PTPN21: variants seen among roughly 807,000 people sequenced by gnomAD.
PTPN21 encodes the protein protein tyrosine phosphatase non-receptor type 21.
Under a neutral mutation model 131.8 loss-of-function variants are expected in PTPN21, and 77 were observed. That is an observed-to-expected ratio of 0.58 (90% CI 0.49 to 0.71). The LOEUF is 0.71. Among genes scored for constraint, PTPN21 ranks in the 30% least tolerant of loss-of-function variants. The probability of loss-of-function intolerance (pLI) is 0.00; values close to 1 mark genes in which losing one functional copy is unlikely to be tolerated. For synonymous variants in PTPN21, 715 were observed against 621.3 expected, an observed-to-expected ratio of 1.15 and a Z score of -2.24; for missense variants, 1,552 against 1,527.1, an observed-to-expected ratio of 1.02 and a Z score of -0.27.
Position 88,485,109 on chromosome 14 carries a change from C to CT in PTPN21, c.1044_1045insA (p.Gly349ArgfsTer13), listed in dbSNP as rs2077713459. ...GAAGCATATGGTTCTGTATAATGTC[C>CT]ATTATAGTGCAACTGCGGTGGGGGA... is the stretch of plus-strand genomic sequence containing the variant. On this transcript the variant is annotated frameshift_variant, in exon 12 of 19. Coordinates refer to ENST00000556564, the MANE Select transcript of PTPN21 (RefSeq NM_007039.4). LOFTEE classifies it high-confidence loss of function. The CT allele has an allele frequency of 6.2e-7, 1 of 1,608,446 alleles. No homozygotes were observed.
chr14:88,505,905 C>T, intron 4 of PTPN21, among the ~76,000 whole-genome samples: 1 of 152,194 alleles, frequency 6.6e-6, no homozygotes, highest in East Asian at 1.9e-4. Flanking sequence ...GAATGTGGCT[C>T]CATGTGCATC....
intron 2 of PTPN21, among the ~76,000 whole-genome samples, chr14:88,532,804 T>A (rs570685243): frequency 6.6e-6 from 1 of 152,168 alleles, no homozygotes; most frequent in Admixed American, 6.5e-5. Context: ...AAAAACCCCT[T>A]AAATAGAATT....
chr14:88,483,036 C>A (rs766049816), intron 12 of PTPN21, among the ~76,000 whole-genome samples: 5 of 151,754 alleles, frequency 3.3e-5, no homozygotes, highest in Non-Finnish European at 7.4e-5. Context: ...CACGGTGAAA[C>A]CCCGTCTCTA....
intron 10 of PTPN21, among the ~76,000 whole-genome samples, chr14:88,487,956 A>C: frequency 8.0e-6 from 1 of 125,518 alleles, no homozygotes; most frequent in Non-Finnish European, 1.6e-5. Context: ...ACAGAGTGAG[A>C]CTCCATCTCA....
At chr14:88,478,566 A>G (rs1033726554) in intron 13 of PTPN21, among the ~76,000 whole-genome samples, 2 of 152,210 alleles carry the variant, frequency 1.3e-5, no homozygotes, top group Admixed American at 6.5e-5. Flanking sequence ...AGTATTTTTA[A>G]TGGGTGGCTA....
chr14:88,479,941 C>A lies in PTPN21; in HGVS notation c.1490G>T (p.Arg497Leu), dbSNP rs1270814821. ...TGGCGAGGGGAGCTGTGCGTGCTCGCGGATCTCGGGCTGGCTGTAGACCAG... is the reference window on the plus strand; with the variant it reads ...TGGCGAGGGGAGCTGTGCGTGCTCGAGGATCTCGGGCTGGCTGTAGACCAG... ...AALVYSQPEIREHAQLPSPAA... is the reference protein window; with the variant it reads ...AALVYSQPEILEHAQLPSPAA... Residue 497 changes from arginine to leucine, a missense_variant, in exon 13 of 19, where the codon CGC becomes CTC. Arg to Leu is a moderately radical substitution (Grantham distance 102). Around this residue, in one of 4 missense-constraint regions of PTPN21, gnomAD observed 1,016 missense variants for 883.5 expected, o/e 1.15. Transcript: ENST00000556564. The A allele has an allele frequency of 2.5e-6, 4 of 1,606,524 alleles. No homozygotes were observed. The highest frequency in any genetic ancestry group is 3.4e-6 in the Non-Finnish European group (4 of 1,179,780).
chr14:88,492,145 T>G (rs1171655713), intron 10 of PTPN21, among the ~76,000 whole-genome samples: 1 of 151,986 alleles, frequency 6.6e-6, no homozygotes, highest in Non-Finnish European at 1.5e-5. Flanking sequence ...AAATGTAGAC[T>G]CTCCACTATT....
chr14:88,545,995 T>TTAAAAAAAAA (rs1438865362), intron 2 of PTPN21, among the ~76,000 whole-genome samples: 1 of 77,862 alleles, frequency 1.3e-5, no homozygotes, highest in Non-Finnish European at 2.6e-5. Context: ...CTGTCTCAAA[T>TTAAAAAAAAA]AAAAAAAAAA....
chr14:88,467,969 G>C lies in PTPN21; in HGVS notation c.*168C>G. 1 of 897,798 alleles carries C rather than the reference G, an allele frequency of 1.1e-6. No homozygotes were observed. The highest frequency in any genetic ancestry group is 1.5e-5 in the South Asian group (1 of 67,950). The allele number at this position is 897,798 out of a possible 1,614,324, so 55.6% of individuals were successfully genotyped here. On this transcript the variant is annotated 3_prime_UTR_variant, in exon 19 of 19. Transcript: ENST00000556564. ...CAGGTTAGAAACCCCTCTTCAGCCT[G>C]TGCTTCGCACGTTTCCTTCAGCGTG...
chr14:88,474,004 T>C, intron 13 of PTPN21: 1 of 489,686 alleles, frequency 2.0e-6, no homozygotes, highest in Non-Finnish European at 3.5e-6. Flanking sequence ...AAAGCCCTGA[T>C]AAAGTCTTCC....
intron 2 of PTPN21, among the ~76,000 whole-genome samples, chr14:88,545,636 C>T (rs993208193): frequency 1.3e-5 from 2 of 152,182 alleles, no homozygotes; most frequent in East Asian, 1.9e-4. Flanking sequence ...ACTGCTATAA[C>T]GAACAGCAAT....
At position 88,472,230 on chromosome 14, in the gene PTPN21, G is replaced by T. The variant is rs772049599; in HGVS notation, c.2871+14C>A. 1.3e-6 allele frequency: 2 copies of T among 1,507,140 alleles called. No homozygotes were observed. Among genetic ancestry groups the T allele is most frequent in the Middle Eastern group, 3.4e-4 (2 of 5,842 alleles). The allele number at this position is 1,507,140 out of a possible 1,614,324, so 93.4% of individuals were successfully genotyped here. A position where few individuals can be genotyped will look rare whatever the true frequency, so the allele number is the denominator to read the frequency against. On this transcript the variant is annotated intron_variant, in intron 15 of 18. Coordinates refer to ENST00000556564, the MANE Select transcript of PTPN21 (RefSeq NM_007039.4). Reference sequence around the variant, plus strand: ...ACTGCATGTGCTGTTGATTACTTGAGGCGTTCCTCTCACCTTAATATGTGA... The same window carrying T: ...ACTGCATGTGCTGTTGATTACTTGATGCGTTCCTCTCACCTTAATATGTGA...
In PTPN21 at chr14:88,479,198, C is replaced by G. The variant is rs750664624; in HGVS notation, c.2233G>C (p.Gly745Arg). Reference sequence around the variant, plus strand: ...CCGGCGAGCAGGACGCGAGGGCAGCCAGGTGGGTCCTGGGCCAGGCCGGGC... The same window carrying G: ...CCGGCGAGCAGGACGCGAGGGCAGCGAGGTGGGTCCTGGGCCAGGCCGGGC... ...PRPGLAQDPP[G>R]CPRVLLAGPL... is the part of the protein sequence containing the mutation. Residue 745 changes from glycine (G) to arginine (R), a missense_variant, in exon 13 of 19, where the codon GGC becomes CGC. Around this residue, in one of 4 missense-constraint regions of PTPN21, gnomAD observed 1,016 missense variants for 883.5 expected, o/e 1.15. Coordinates refer to ENST00000556564, the MANE Select transcript of PTPN21 (RefSeq NM_007039.4). 21 of 1,575,976 alleles carry G rather than the reference C, an allele frequency of 1.3e-5. No individual in the cohort carries two copies. The East Asian group carries it at 4.7e-4, about 36-fold the overall frequency.
At position 88,469,856 on chromosome 14, in the gene PTPN21, C is replaced by G; in HGVS notation, c.3000+66G>C. On this transcript the variant is annotated intron_variant, in intron 16 of 18. Coordinates refer to ENST00000556564, the MANE Select transcript of PTPN21 (RefSeq NM_007039.4). The surrounding 1 kb of genome is among the most constrained non-coding windows in gnomAD (Gnocchi z 4.3). ...GCCTTTTTCTCCACAGGTCAGGATT[C>G]CAGATGATTAACATTAACTGTTCTT... 1 of 1,609,312 alleles carries G rather than the reference C, an allele frequency of 6.2e-7. No individual in the cohort carries two copies. The highest frequency in any genetic ancestry group is 8.5e-7 in the Non-Finnish European group (1 of 1,175,922).
chr14:88,542,317 T>C (rs545395978), intron 2 of PTPN21, among the ~76,000 whole-genome samples: 3 of 152,322 alleles, frequency 2.0e-5, no homozygotes, highest in South Asian at 4.1e-4. Context: ...TCTGATTCTA[T>C]ACACCAAAGA....
intron 3 of PTPN21, among the ~76,000 whole-genome samples, chr14:88,508,467 G>A (rs1162308925): frequency 6.6e-6 from 1 of 152,060 alleles, no homozygotes; most frequent in Non-Finnish European, 1.5e-5. Flanking sequence ...TTTCAAACAA[G>A]GATGAGAAAG....
At chr14:88,490,452 C>A (rs1226790411) in intron 10 of PTPN21, among the ~76,000 whole-genome samples, 1 of 152,132 alleles carries the variant, frequency 6.6e-6, no homozygotes, top group African/African-American at 2.4e-5. Context: ...GGCTGCTCCT[C>A]CTCTCCCCTC....
At chr14:88,540,603 T>C (rs1184916469) in intron 2 of PTPN21, among the ~76,000 whole-genome samples, 1 of 152,262 alleles carries the variant, frequency 6.6e-6, no homozygotes, top group African/African-American at 2.4e-5. Flanking sequence ...ACATTGAGGT[T>C]CATTTGACAA....
rs867184934 is a variant in PTPN21, at chr14:88,468,225, T to C, written c.3437A>G (p.Gln1146Arg). 1.9e-6 allele frequency: 3 copies of C among 1,610,816 alleles called. No individual in the cohort carries two copies. In the African/African-American group the frequency reaches 4.0e-5, roughly 22 times the overall value. The change falls in exon 19 of 19, where the codon CAG becomes CGG. Residue 1146 changes from glutamine (Q) to arginine (R), a missense_variant. Gln to Arg is a conservative substitution (Grantham distance 43). Transcript: ENST00000556564. ...IPRVLDMLRQ[Q>R]RMMLVQTLCQ... Reference sequence around the variant, plus strand: ...GAGAGTCTGCACCAGCATCATTCTCTGTTGCCTCAGCATGTCCAGCACTCT... The same window carrying C: ...GAGAGTCTGCACCAGCATCATTCTCCGTTGCCTCAGCATGTCCAGCACTCT...
Sources: allele counts gnomAD v4.1 joint callset (sites outside exome capture counted in the v4.1 genomes callset), GRCh38; gene constraint gnomAD v4.1.1; regional missense constraint gnomAD v4.1.1; non-coding constraint Gnocchi (gnomAD v3.1); transcripts MANE v1.5; gene names NCBI Gene and HGNC (gene_info 2026-07-23, HGNC 2026-07-21).